MAPRE2: variants seen among roughly 807,000 people sequenced by gnomAD.
The protein encoded by MAPRE2 is microtubule associated protein RP/EB family member 2, also known as microtubule-associated protein RP/EB family member 2.
A neutral mutation model predicts 43.2 loss-of-function variants in MAPRE2; 13 were observed. The ratio of observed to expected loss-of-function variants is 0.30; its 90% confidence interval spans 0.20 to 0.48. The LOEUF is 0.48. MAPRE2 is among the 20% of genes least tolerant of loss of function. MAPRE2 has a pLI of 0.99. For synonymous variants in MAPRE2, 135 were observed against 148.8 expected, an observed-to-expected ratio of 0.91 and a Z score of 0.68; for missense variants, 161 against 400.2, an observed-to-expected ratio of 0.40 and a Z score of 5.10.
intron 2 of MAPRE2, among the ~76,000 whole-genome samples, chr18:35,093,362 G>A (rs976551790): frequency 2.6e-5 from 4 of 151,904 alleles, no homozygotes; most frequent in Non-Finnish European, 5.9e-5. Context: ...ATATGGAGGC[G>A]CCTCAAAACA....
At chr18:35,059,375 G>C (rs1361425176) in intron 1 of MAPRE2, among the ~76,000 whole-genome samples, 2 of 151,548 alleles carry the variant, frequency 1.3e-5, no homozygotes, top group Non-Finnish European at 2.9e-5. Context: ...CTCAACCCTA[G>C]TCTGTTCCTA....
intron 1 of MAPRE2, 100 bp from the exon 2 acceptor site, chr18:35,070,095 C>A: frequency 1.1e-6 from 1 of 929,176 alleles, no homozygotes; most frequent in Non-Finnish European, 1.6e-6. Flanking sequence ...AGGACTTTTA[C>A]ATGCCCTGGA....
intron 2 of MAPRE2, among the ~76,000 whole-genome samples, chr18:35,011,222 G>C: frequency 6.6e-6 from 1 of 152,160 alleles, no homozygotes; most frequent in East Asian, 1.9e-4. Flanking sequence ...GCCAGAACTG[G>C]TGTGCAGAGG....
intron 1 of MAPRE2, among the ~76,000 whole-genome samples, chr18:35,056,982 G>A (rs1396540498): frequency 6.6e-6 from 1 of 152,032 alleles, no homozygotes; most frequent in Non-Finnish European, 1.5e-5. Context: ...CAAACCCATG[G>A]TCTTACCATG....
intron 1 of MAPRE2, among the ~76,000 whole-genome samples, chr18:35,064,493 G>A (rs1431964278): frequency 6.6e-6 from 1 of 152,114 alleles, no homozygotes; most frequent in Non-Finnish European, 1.5e-5. Context: ...AATAATTTCA[G>A]TTAACACTCA....
At chr18:35,010,488 T>C (rs1404898708) in intron 2 of MAPRE2, among the ~76,000 whole-genome samples, 1 of 152,214 alleles carries the variant, frequency 6.6e-6, no homozygotes, top group Non-Finnish European at 1.5e-5. Flanking sequence ...ACATAATTGT[T>C]GGGTGCATCA....
At chr18:35,065,941 C>T (rs547733580) in intron 1 of MAPRE2, among the ~76,000 whole-genome samples, 1 of 152,366 alleles carries the variant, frequency 6.6e-6, no homozygotes, top group Non-Finnish European at 1.5e-5. Flanking sequence ...TTGACTTTCT[C>T]CTTTGCAAGG....
intron 4 of MAPRE2, among the ~76,000 whole-genome samples, chr18:35,111,867 C>CA (rs1909188925): frequency 6.6e-6 from 1 of 152,150 alleles, no homozygotes; most frequent in Admixed American, 6.5e-5. Flanking sequence ...GTAGGGTGGG[C>CA]ACAGGTACTC....
chr18:35,068,252 C>T (rs1238921801), intron 1 of MAPRE2, among the ~76,000 whole-genome samples: 1 of 152,052 alleles, frequency 6.6e-6, no homozygotes, highest in African/African-American at 2.4e-5. Context: ...AATATTACTT[C>T]TATATCTGTA....
intron 2 of MAPRE2, among the ~76,000 whole-genome samples, chr18:35,017,616 A>T (rs1387376076): frequency 6.6e-6 from 1 of 150,956 alleles, no homozygotes. Flanking sequence ...CCTTGATTTG[A>T]GTCTCAGCTT....
chr18:35,093,865 A>G (rs1301224248), intron 2 of MAPRE2, among the ~76,000 whole-genome samples: 2 of 152,226 alleles, frequency 1.3e-5, no homozygotes, highest in African/African-American at 4.8e-5. Context: ...CAGTATGGTG[A>G]CTATGGTTAA....
At chr18:35,122,991 G>A (rs1909752859) in intron 4 of MAPRE2, among the ~76,000 whole-genome samples, 1 of 152,224 alleles carries the variant, frequency 6.6e-6, no homozygotes, top group Non-Finnish European at 1.5e-5. Context: ...GCTAGAAGGG[G>A]GAGAGCATCA....
At chr18:35,066,313 G>A (rs73946508) in intron 1 of MAPRE2, among the ~76,000 whole-genome samples, 4,090 of 152,124 alleles carry the variant, frequency 0.027, 87 homozygotes, top group African/African-American at 0.057. Context: ...TTTCCTCCCA[G>A]GATTCTTCCA....
chr18:35,100,856 C>T (rs1242536843), intron 3 of MAPRE2, among the ~76,000 whole-genome samples: 4 of 152,094 alleles, frequency 2.6e-5, no homozygotes, highest in Non-Finnish European at 4.4e-5. Flanking sequence ...GTCTGGCCAA[C>T]ATGTGAAACC....
intron 1 of MAPRE2, among the ~76,000 whole-genome samples, chr18:35,063,403 G>A (rs951581198): frequency 6.6e-5 from 10 of 151,716 alleles, no homozygotes; most frequent in South Asian, 2.1e-4. Flanking sequence ...CACTGCGCCC[G>A]GCCTCAGAAC....
rs150344674 is a variant in MAPRE2 at position 35,007,903 on chromosome 18, G to A, written c.-8+2350G>A. Among the ~76,000 whole-genome samples, 233 of 152,160 alleles carry A rather than the reference G, an allele frequency of 1.5e-3. 1 individual carries two copies. The highest frequency in any genetic ancestry group is 5.5e-3 in the African/African-American group (228 of 41,512). The stretch of plus-strand genomic sequence containing the variant: ...CAACCAAAAGTAAACTGAAAATACA[G>A]TATTCATCGGTATATGAAGCCAAAG... On this transcript the variant is annotated intron_variant, in intron 2 of 7. Coordinates refer to the MAPRE2 transcript ENST00000413393.
At chr18:34,987,600 A>G (rs953737647) in intron 1 of MAPRE2, among the ~76,000 whole-genome samples, 1 of 152,188 alleles carries the variant, frequency 6.6e-6, no homozygotes, top group Non-Finnish European at 1.5e-5. Context: ...TTTTATTCAT[A>G]TAAAATTCCT....
intron 2 of MAPRE2, among the ~76,000 whole-genome samples, chr18:35,027,904 T>G (rs2097046093): frequency 6.6e-6 from 1 of 152,126 alleles, no homozygotes. Flanking sequence ...CTTTGTGGTC[T>G]CTCCTCTCTT....
intron 4 of MAPRE2, among the ~76,000 whole-genome samples, chr18:35,116,015 A>T (rs530347504): frequency 1.3e-5 from 2 of 152,224 alleles, no homozygotes; most frequent in Non-Finnish European, 2.9e-5. Flanking sequence ...CTGGAGATAC[A>T]TAGTGATTCT....
Sources: gnomAD v4.1 joint callset for allele counts (sites outside exome capture counted in the v4.1 genomes callset) on GRCh38, gnomAD v4.1.1 for gene constraint, MANE v1.5 for transcripts, NCBI Gene and HGNC (gene_info 2026-07-23, HGNC 2026-07-21) for gene names.